Variants in ENPP2 observed in about 807,000 individuals in gnomAD.
ENPP2 encodes ectonucleotide pyrophosphatase/phosphodiesterase 2.
Under a neutral mutation model 120.2 loss-of-function variants are expected in ENPP2, and 51 were observed. That is an observed-to-expected ratio of 0.42 (90% CI 0.34 to 0.54). ENPP2 has a LOEUF of 0.54. ENPP2 is among the 20% of genes least tolerant of loss of function. The pLI is 0.04. For missense variants in ENPP2, 920 were observed against 1,066.5 expected, an observed-to-expected ratio of 0.86 and a Z score of 1.91; for synonymous variants, 365 against 366.4, an observed-to-expected ratio of 1.00 and a Z score of 0.04.
chr8:119,592,967 T>A (rs1483402799), intron 12 of ENPP2: 1 of 982,046 alleles, frequency 1.0e-6, no homozygotes, highest in Non-Finnish European at 1.2e-6. Flanking sequence ...ATTTTCATCC[T>A]CCGAACTCCA....
chr8:119,616,312 G>A lies in ENPP2; in HGVS notation c.730C>T (p.Leu244=), dbSNP rs767223101. 3.7e-6 allele frequency: 6 copies of A among 1,609,290 alleles called. No homozygotes were observed. The highest frequency in any genetic ancestry group is 1.7e-5 in the Admixed American group (1 of 59,896). Residue 244 remains leucine (L), a synonymous_variant, in exon 8 of 25, where the codon CTG becomes TTG. Transcript: ENST00000075322. The stretch of plus-strand genomic sequence containing the variant: ...TGATTAAATTTCTCTCGCCCTCGCA[G>A]ATGAAAAGTGGCATCAAATACAGGA... ...YDPVFDATFH[L]RGREKFNHRW...
chr8:119,612,255 G>C (rs369137015), intron 8 of ENPP2, among the ~76,000 whole-genome samples: 43 of 152,128 alleles, frequency 2.8e-4, no homozygotes, highest in African/African-American at 1.0e-3. Flanking sequence ...ACAGTACAAA[G>C]AGAAAAAACT....
upstream of ENPP2, among the ~76,000 whole-genome samples, chr8:119,639,854 A>AT (rs1182166675): frequency 6.6e-6 from 1 of 152,210 alleles, no homozygotes; most frequent in African/African-American, 2.4e-5. Flanking sequence ...AAAAGAAAAA[A>AT]TCAAGGGCTC....
At chr8:119,616,495 C>A in intron 7 of ENPP2, 111 bp from the exon 8 acceptor site, 1 of 645,876 alleles carries the variant, frequency 1.5e-6, no homozygotes, top group Non-Finnish European at 2.5e-6. Flanking sequence ...ACTTAATTTC[C>A]AAAATTATAT....
At chr8:119,585,692 G>A (rs1209934259) in intron 15 of ENPP2, among the ~76,000 whole-genome samples, 2 of 152,110 alleles carry the variant, frequency 1.3e-5, no homozygotes, top group Non-Finnish European at 2.9e-5. Context: ...GTGTTTTGTA[G>A]TTCAATAGAA....
At position 119,568,231 on chromosome 8, in the gene ENPP2, G is replaced by T; in HGVS notation, c.2075C>A (p.Ala692Asp). ...GGTTACAAGGAATGCATCATATTTAGCCTCTGGTGAAGAGCTCAGATCTAA... is the reference window on the plus strand; with the variant it reads ...GGTTACAAGGAATGCATCATATTTATCCTCTGGTGAAGAGCTCAGATCTAA... ...FPPYLSSSPE[A>D]KYDAFLVTNM... Residue 692 changes from alanine (A) to aspartate (D), a missense_variant, in exon 22 of 25, where the codon GCT (alanine) becomes GAT (aspartate). By Grantham distance (126) the Ala-to-Asp change is moderately radical (BLOSUM62 -2). Coordinates refer to ENST00000075322, the MANE Select transcript of ENPP2 (RefSeq NM_001040092.3). 1 of 1,598,360 alleles carries T rather than the reference G, an allele frequency of 6.3e-7. No homozygotes were observed. The highest frequency in any genetic ancestry group is 8.6e-7 in the Non-Finnish European group (1 of 1,166,432).
intron 4 of ENPP2, 98 bp downstream of exon 4, chr8:119,621,296 T>A (rs1240919016): frequency 9.5e-7 from 1 of 1,056,292 alleles, no homozygotes; most frequent in East Asian, 2.5e-5. Flanking sequence ...CCTCCCAAAC[T>A]CATATCCAGT....
intron 13 of ENPP2, among the ~76,000 whole-genome samples, chr8:119,588,357 G>A (rs911571749): frequency 5.3e-5 from 8 of 151,542 alleles, no homozygotes; most frequent in Non-Finnish European, 7.4e-5. Flanking sequence ...GTGAAATCCC[G>A]TCTCTACTAA....
chr8:119,620,113 C>G (rs1193123484), intron 4 of ENPP2, among the ~76,000 whole-genome samples: 1 of 152,106 alleles, frequency 6.6e-6, no homozygotes, highest in Non-Finnish European at 1.5e-5. Flanking sequence ...TATTATGCTC[C>G]TTAAAATAAA....
rs186899380 is a variant in ENPP2, at chr8:119,605,458, G to A, written c.833+2464C>T. ...TGTGTGTGTGTGTGTGTGTGTGTGT[G>A]TGTGTGTATTTTTTTTTTTGAGACA... On this transcript the variant is annotated intron_variant, in intron 9 of 24. Coordinates refer to ENST00000075322, the MANE Select transcript of ENPP2 (RefSeq NM_001040092.3). Among the ~76,000 whole-genome samples the A allele has an allele frequency of 6.8e-3, 1,022 of 150,008 alleles. 4 individuals carry two copies. The highest frequency in any genetic ancestry group is 0.014 in the Middle Eastern group (4 of 292).
intron 1 of ENPP2, among the ~76,000 whole-genome samples, chr8:119,659,360 C>T (rs969314927): frequency 7.2e-6 from 1 of 139,458 alleles, no homozygotes; most frequent in East Asian, 2.2e-4. Flanking sequence ...AGAATTTTCT[C>T]ACTTCCTAGT....
chr8:119,664,813 C>T (rs1298517480), intron 1 of ENPP2, among the ~76,000 whole-genome samples: 4 of 152,056 alleles, frequency 2.6e-5, no homozygotes, highest in African/African-American at 4.8e-5. Context: ...TGGTGGAACA[C>T]GCCTGTAGTC....
rs189773371 is a variant in ENPP2 at position 119,575,287 on chromosome 8, C to T, written c.1781-4446G>A. On this transcript the variant is annotated intron_variant, in intron 19 of 24. Transcript: ENST00000075322. ...TCTTCTGCTTGGCCTTTTGGGTGGT[C>T]TCCAGTTGGGTGCTGGCCGCTGGGT... 1.1e-4 allele frequency among the ~76,000 whole-genome samples: 17 copies of T among 151,998 alleles called. 1 individual carries two copies. The highest frequency in any genetic ancestry group is 1.5e-5 in the Non-Finnish European group (1 of 68,030).
chr8:119,666,725 A>T (rs957390000), intron 1 of ENPP2, among the ~76,000 whole-genome samples: 1 of 151,854 alleles, frequency 6.6e-6, no homozygotes, highest in Non-Finnish European at 1.5e-5. Flanking sequence ...GGTTGTGGTG[A>T]GCCGAGATCA....
chr8:119,578,706 T>G (rs1812517393), intron 19 of ENPP2, among the ~76,000 whole-genome samples: 1 of 152,236 alleles, frequency 6.6e-6, no homozygotes, highest in African/African-American at 2.4e-5. Flanking sequence ...TGCAAATCAC[T>G]TGTAGAGTTT....
chr8:119,646,490 G>A (rs1331458578), intron 1 of ENPP2, among the ~76,000 whole-genome samples: 4 of 152,118 alleles, frequency 2.6e-5, no homozygotes, highest in African/African-American at 9.7e-5. Context: ...GAGGACCACT[G>A]ACCTAGAGGG....
intron 12 of ENPP2, 100 bp from the exon 13 acceptor site, chr8:119,590,730 T>C: frequency 1.2e-6 from 1 of 809,838 alleles, no homozygotes; most frequent in Non-Finnish European, 1.8e-6. Flanking sequence ...TAGTTAGTTT[T>C]TAGTAACTTA....
In ENPP2 at chr8:119,622,147, T is replaced by G. The variant is rs370506249; in HGVS notation, c.293-628A>C. ...TTTCACCATGGTGGCCAGGCTGGTC[T>G]CAAACTCCTGACCTCAGGTGATCCT... On this transcript the variant is annotated intron_variant, in intron 3 of 24. Transcript: ENST00000075322. 2.6e-4 allele frequency among the ~76,000 whole-genome samples: 39 copies of G among 152,294 alleles called. 1 individual carries two copies. The highest frequency in any genetic ancestry group is 8.7e-4 in the African/African-American group (36 of 41,560).
In ENPP2 at chr8:119,582,406, G is replaced by A. The variant is rs1390198281; in HGVS notation, c.1728+12C>T. 5 of 1,608,436 alleles carry A rather than the reference G, an allele frequency of 3.1e-6. No homozygotes were observed. In the African/African-American group the frequency reaches 4.0e-5, roughly 13 times the overall value. ...CAAACTTCTCCATAATAAACATAAA[G>A]ATTATTTCTACCTTTGGCTCTACCT... On this transcript the variant is annotated intron_variant, in intron 18 of 24. Coordinates refer to ENST00000075322, the MANE Select transcript of ENPP2 (RefSeq NM_001040092.3).
Sources: gnomAD v4.1 joint callset for allele counts (sites outside exome capture counted in the v4.1 genomes callset) on GRCh38, gnomAD v4.1.1 for gene constraint, MANE v1.5 for transcripts, NCBI Gene and HGNC (gene_info 2026-07-23, HGNC 2026-07-21) for gene names.